The following PDE1C variants were observed in gnomAD, a reference collection of about 807,000 sequenced individuals.
PDE1C encodes the protein dual specificity calcium/calmodulin-dependent 3',5'-cyclic nucleotide phosphodiesterase 1C.
Under a neutral mutation model 93.1 loss-of-function variants are expected in PDE1C, and 62 were observed. The ratio of observed to expected loss-of-function variants is 0.67; its 90% confidence interval spans 0.54 to 0.82. The LOEUF (loss-of-function observed/expected upper bound fraction) is 0.82, where lower values mean the gene tolerates loss of function less well. Among genes scored for constraint, PDE1C ranks in the 40% least tolerant of loss-of-function variants. The pLI is 0.00. For missense variants in PDE1C, 742 were observed against 884.6 expected (o/e 0.84, Z 2.04); for synonymous variants, 325 against 310.1 (o/e 1.05, Z -0.50).
At chr7:31,676,739 A>C in the PDE1C span, among the ~76,000 whole-genome samples, 2 of 152,208 alleles carry the variant, frequency 1.3e-5, no homozygotes, top group Non-Finnish European at 2.9e-5. Context: ...AAATACTAGA[A>C]TTAGTAGATA....
intron 2 of PDE1C, among the ~76,000 whole-genome samples, chr7:31,924,315 T>C (rs1803055982): frequency 6.6e-6 from 1 of 152,204 alleles, no homozygotes; most frequent in African/African-American, 2.4e-5. Context: ...TATTTAACTA[T>C]TCTCCCAAAT....
chr7:31,720,397 A>G, the PDE1C span, among the ~76,000 whole-genome samples: 21 of 152,254 alleles, frequency 1.4e-4, no homozygotes, highest in Admixed American at 7.2e-4. Flanking sequence ...CTTCCCTTCC[A>G]CTGCCTACAT....
chr7:31,617,003 T>G, the PDE1C span, among the ~76,000 whole-genome samples: 9 of 152,164 alleles, frequency 5.9e-5, no homozygotes, highest in Admixed American at 5.2e-4. Context: ...ATATTCCAAG[T>G]GCATTCTTCT....
At chr7:31,844,167 A>T (rs1792255324) in intron 9 of PDE1C, among the ~76,000 whole-genome samples, 1 of 151,784 alleles carries the variant, frequency 6.6e-6, no homozygotes, top group Admixed American at 6.6e-5. Flanking sequence ...GATATTTATC[A>T]GTTTATTCTT....
chr7:32,403,416 T>A (rs177367), intron 1 of PDE1C, among the ~76,000 whole-genome samples: 132,491 of 152,136 alleles, frequency 0.87, 59,147 homozygotes, highest in East Asian at 0.99. Context: ...CCTCTGCTTC[T>A]CCACTTTTTC....
At chr7:31,833,135 T>C (rs994844711) in intron 11 of PDE1C, among the ~76,000 whole-genome samples, 1 of 152,218 alleles carries the variant, frequency 6.6e-6, no homozygotes, top group African/African-American at 2.4e-5. Context: ...CTGATGGTTT[T>C]ACAAGGGGAA....
chr7:32,278,084 A>G (rs1423615433), intron 1 of PDE1C, among the ~76,000 whole-genome samples: 4 of 148,200 alleles, frequency 2.7e-5, no homozygotes, highest in African/African-American at 1.0e-4. Context: ...AAAAAAAAAG[A>G]AGCTGAAACA....
intron 2 of PDE1C, among the ~76,000 whole-genome samples, chr7:31,969,519 T>C (rs1222698590): frequency 3.3e-5 from 5 of 152,034 alleles, no homozygotes; most frequent in Admixed American, 6.6e-5. Flanking sequence ...TGTGGAGAAA[T>C]AGGAACATTT....
chr7:31,823,275 G>C (rs778339491), intron 13 of PDE1C, 27 bp from the exon 14 acceptor site: 1 of 1,592,186 alleles, frequency 6.3e-7, no homozygotes, highest in South Asian at 1.1e-5. Context: ...TCATACCAAA[G>C]AAGAGAGTTA....
At chr7:31,942,204 C>T (rs1035324611) in intron 2 of PDE1C, among the ~76,000 whole-genome samples, 5 of 152,096 alleles carry the variant, frequency 3.3e-5, no homozygotes, top group Non-Finnish European at 7.4e-5. Context: ...TTTGTGGAGG[C>T]CTTGTTTCAA....
intron 1 of PDE1C, among the ~76,000 whole-genome samples, chr7:32,417,353 C>T (rs1467011458): frequency 6.6e-6 from 1 of 151,792 alleles, no homozygotes; most frequent in Non-Finnish European, 1.5e-5. Flanking sequence ...CATCCCACTA[C>T]TGCTAATAAA....
At chr7:31,866,703 T>G (rs1795340079) in intron 6 of PDE1C, among the ~76,000 whole-genome samples, 1 of 151,932 alleles carries the variant, frequency 6.6e-6, no homozygotes, top group Non-Finnish European at 1.5e-5. Flanking sequence ...ACACTAGAAT[T>G]CAACAGAGAA....
the PDE1C span, among the ~76,000 whole-genome samples, chr7:31,709,406 T>C: frequency 6.6e-6 from 1 of 152,202 alleles, no homozygotes; most frequent in Non-Finnish European, 1.5e-5. Flanking sequence ...AAGAGCTTCG[T>C]AAGCTAAAAT....
chr7:31,755,541 C>T (rs917749), intron 17 of PDE1C, among the ~76,000 whole-genome samples: 104,253 of 151,288 alleles, frequency 0.69, 36,258 homozygotes, highest in Middle Eastern at 0.81. Flanking sequence ...GTACCTGAAG[C>T]ATCTTGTAGA....
chr7:31,985,150 G>T (rs751196940), intron 2 of PDE1C, among the ~76,000 whole-genome samples: 3 of 152,128 alleles, frequency 2.0e-5, no homozygotes, highest in Non-Finnish European at 4.4e-5. Context: ...GCACGGACAA[G>T]GGCCAAGAGT....
chr7:32,092,081 G>A (rs1019441657), intron 3 of PDE1C, among the ~76,000 whole-genome samples: 1 of 152,180 alleles, frequency 6.6e-6, no homozygotes, highest in African/African-American at 2.4e-5. Context: ...AGAAGCCTGA[G>A]GGCTGATTCC....
At chr7:32,413,522 T>C (rs1269434583) in intron 1 of PDE1C, among the ~76,000 whole-genome samples, 1 of 152,084 alleles carries the variant, frequency 6.6e-6, no homozygotes, top group African/African-American at 2.4e-5. Context: ...CCCAGAGTAA[T>C]CACACTTACA....
At chr7:32,417,600 G>A (rs1785300175) in intron 1 of PDE1C, among the ~76,000 whole-genome samples, 1 of 147,644 alleles carries the variant, frequency 6.8e-6, no homozygotes, top group South Asian at 2.1e-4. Context: ...GCCTGCCCGT[G>A]TAACTATAAG....
chr7:32,092,654 A>G (rs1797534021), intron 3 of PDE1C, among the ~76,000 whole-genome samples: 1 of 152,206 alleles, frequency 6.6e-6, no homozygotes, highest in East Asian at 1.9e-4. Context: ...TAAAGCAGAA[A>G]TTACCAAAGG....
Sources: allele counts gnomAD v4.1 joint callset (sites outside exome capture counted in the v4.1 genomes callset), GRCh38; gene constraint gnomAD v4.1.1; transcripts MANE v1.5; gene names NCBI Gene and HGNC (gene_info 2026-07-23, HGNC 2026-07-21).